The following ZBTB38 variants were observed in gnomAD, a reference collection of about 807,000 sequenced individuals.
The protein encoded by ZBTB38 is zinc finger and BTB domain-containing protein 38.
ZBTB38 carries 20 observed loss-of-function variants against 76.8 expected under a neutral mutation model. That is an observed-to-expected ratio of 0.26 (90% confidence interval 0.18 to 0.38). ZBTB38 has a LOEUF of 0.38. Ranked by LOEUF, ZBTB38 falls within the 10% of genes least tolerant of loss-of-function variation. The pLI, the probability that ZBTB38 is intolerant of heterozygous loss-of-function variation, is 1.00. For synonymous variants in ZBTB38, 504 were observed against 544.2 expected, an observed-to-expected ratio of 0.93 and a Z score of 1.03; for missense variants, 1,082 against 1,482.3, an observed-to-expected ratio of 0.73 and a Z score of 4.43.
intron 5 of ZBTB38, among the ~76,000 whole-genome samples, chr3:141,419,663 G>A (rs1577262841): frequency 6.6e-6 from 1 of 152,078 alleles, no homozygotes; most frequent in Admixed American, 6.5e-5. Context: ...CAGTAGCATC[G>A]TAAGAAGGAA....
intron 1 of ZBTB38, among the ~76,000 whole-genome samples, chr3:141,336,729 G>T (rs187310918): frequency 2.0e-5 from 3 of 152,106 alleles, no homozygotes. Context: ...TCGGCCTCTG[G>T]GCAGAGATAC....
chr3:141,344,909 C>T (rs1469955378), intron 1 of ZBTB38, among the ~76,000 whole-genome samples: 1 of 152,200 alleles, frequency 6.6e-6, no homozygotes, highest in African/African-American at 2.4e-5. Flanking sequence ...GGAATTAGGA[C>T]CTGGACATCT....
chr3:141,416,851 G>C (rs914102492), intron 5 of ZBTB38, among the ~76,000 whole-genome samples: 2 of 152,178 alleles, frequency 1.3e-5, no homozygotes, highest in African/African-American at 4.8e-5. Flanking sequence ...AAACTAGAAG[G>C]GGCAAGGAAG....
At chr3:141,341,686 A>C (rs1177240932) in intron 1 of ZBTB38, among the ~76,000 whole-genome samples, 1 of 152,250 alleles carries the variant, frequency 6.6e-6, no homozygotes, top group African/African-American at 2.4e-5. Context: ...AACCAAGGGA[A>C]AGTCTTCCAA....
intron 5 of ZBTB38, among the ~76,000 whole-genome samples, chr3:141,436,486 C>CA (rs1279490194): frequency 6.6e-6 from 1 of 151,764 alleles, no homozygotes; most frequent in African/African-American, 2.4e-5. Flanking sequence ...TCCTATTTTT[C>CA]AAAAAAAGCT....
chr3:141,433,018 C>T lies in ZBTB38; in HGVS notation c.1-9371C>T, dbSNP rs188580984. ...TATAGTGTGGACCGGACTGTTGGTCCGCCTGGTTTTTCAGCCATGTTCAAA... is the reference window on the plus strand; with the variant it reads ...TATAGTGTGGACCGGACTGTTGGTCTGCCTGGTTTTTCAGCCATGTTCAAA... On this transcript the variant is annotated intron_variant, in intron 5 of 5. Transcript: ENST00000321464. 3.2e-3 allele frequency among the ~76,000 whole-genome samples: 490 copies of T among 152,250 alleles called. 1 individual carries two copies. The highest frequency in any genetic ancestry group is 6.8e-3 in the Middle Eastern group (2 of 294).
chr3:141,347,670 C>G (rs546218233), intron 1 of ZBTB38, among the ~76,000 whole-genome samples: 12 of 152,328 alleles, frequency 7.9e-5, no homozygotes, highest in African/African-American at 2.9e-4. Context: ...AAGGAAAAGA[C>G]CAGGGTTTCT....
chr3:141,346,782 T>TTTTTTTTGTGTG (rs150173767), intron 1 of ZBTB38, among the ~76,000 whole-genome samples: 4 of 144,562 alleles, frequency 2.8e-5, no homozygotes, highest in Non-Finnish European at 4.5e-5. Flanking sequence ...TTGTTTTGTT[T>TTTTTTTTGTGTG]TGTGTGTGTG....
chr3:141,360,396 A>G (rs1943786607), intron 1 of ZBTB38, among the ~76,000 whole-genome samples: 1 of 152,222 alleles, frequency 6.6e-6, no homozygotes. Context: ...AGAAATTGCC[A>G]TTTTTGTACA....
At chr3:141,436,984 A>G (rs1453393578) in intron 5 of ZBTB38, among the ~76,000 whole-genome samples, 1 of 152,200 alleles carries the variant, frequency 6.6e-6, no homozygotes, top group African/African-American at 2.4e-5. Context: ...GACCTGTGAA[A>G]TAGCTTTTAG....
upstream of ZBTB38, among the ~76,000 whole-genome samples, chr3:141,365,762 T>C (rs956359896): frequency 6.6e-6 from 1 of 152,124 alleles, no homozygotes; most frequent in African/African-American, 2.4e-5. Context: ...ATAAGCATGG[T>C]GTTTTTTGGG....
chr3:141,336,729 G>A (rs187310918), intron 1 of ZBTB38, among the ~76,000 whole-genome samples: 24 of 152,224 alleles, frequency 1.6e-4, no homozygotes, highest in African/African-American at 5.5e-4. Context: ...TCGGCCTCTG[G>A]GCAGAGATAC....
intron 5 of ZBTB38, among the ~76,000 whole-genome samples, chr3:141,416,853 G>A (rs1168848702): frequency 6.6e-6 from 1 of 152,190 alleles, no homozygotes; most frequent in African/African-American, 2.4e-5. Flanking sequence ...ACTAGAAGGG[G>A]CAAGGAAGGA....
At chr3:141,347,457 G>A (rs1172205991) in intron 1 of ZBTB38, among the ~76,000 whole-genome samples, 2 of 152,136 alleles carry the variant, frequency 1.3e-5, no homozygotes, top group Non-Finnish European at 2.9e-5. Context: ...TAGTCTCTTA[G>A]CATATGTTTA....
chr3:141,344,773 A>G (rs1943295867), intron 1 of ZBTB38, among the ~76,000 whole-genome samples: 1 of 152,250 alleles, frequency 6.6e-6, no homozygotes, highest in Non-Finnish European at 1.5e-5. Flanking sequence ...TCTGCTTTTA[A>G]GGACTCAAGA....
chr3:141,440,884 A>C (rs2079989184), intron 5 of ZBTB38, among the ~76,000 whole-genome samples: 1 of 152,000 alleles, frequency 6.6e-6, no homozygotes, highest in Non-Finnish European at 1.5e-5. Flanking sequence ...AAATACAAAA[A>C]TTAGCTGGGC....
At chr3:141,408,168 T>C (rs1254815406) in intron 5 of ZBTB38, among the ~76,000 whole-genome samples, 2 of 152,242 alleles carry the variant, frequency 1.3e-5, no homozygotes, top group African/African-American at 2.4e-5. Flanking sequence ...TTGTATTATT[T>C]CCCTCAATCT....
intron 4 of ZBTB38, chr3:141,388,452 C>T (rs988003121): frequency 4.6e-5 from 7 of 152,068 alleles, no homozygotes; most frequent in African/African-American, 1.7e-4. Context: ...AGATGGCCCT[C>T]TTAAAAGAAA....
intron 1 of ZBTB38, among the ~76,000 whole-genome samples, chr3:141,335,111 C>T (rs752679153): frequency 5.9e-5 from 9 of 152,202 alleles, no homozygotes; most frequent in African/African-American, 9.7e-5. Context: ...CTGGTGCTAC[C>T]GGTCAGCCAG....
Sources: gnomAD v4.1 joint callset for allele counts (sites outside exome capture counted in the v4.1 genomes callset) on GRCh38, gnomAD v4.1.1 for gene constraint, MANE v1.5 for transcripts, NCBI Gene and HGNC (gene_info 2026-07-23, HGNC 2026-07-21) for gene names.